The following ZNF469 variants were observed in gnomAD, a reference collection of about 807,000 sequenced individuals.
ZNF469 encodes zinc finger protein 469.
A neutral mutation model predicts 1.0 loss-of-function variants in ZNF469; 1 was observed. The ratio of observed to expected loss-of-function variants is 1.00; its 90% CI spans 0.35 to 4.73. The LOEUF is 4.73. Among genes scored for constraint, ZNF469 ranks in the 30% most tolerant of loss-of-function variants. The pLI is 0.16. For synonymous variants in ZNF469, 2,703 were observed against 2,363.4 expected (o/e 1.14, Z -4.17); for missense variants, 6,100 against 5,356.3 (o/e 1.14, Z -4.33).
At chr16:88,339,163 C>T in the ZNF469 span, among the ~76,000 whole-genome samples, 12 of 95,972 alleles carry the variant, frequency 1.3e-4, no homozygotes, top group East Asian at 2.9e-4. Flanking sequence ...GACAGGGTGG[C>T]GGGGGACATG....
the ZNF469 span, among the ~76,000 whole-genome samples, chr16:88,299,802 A>T: frequency 6.6e-6 from 1 of 152,176 alleles, no homozygotes; most frequent in African/African-American, 2.4e-5. Flanking sequence ...CAGGCCCAGG[A>T]GTTGCCTGAC....
At chr16:88,239,427 G>C in the ZNF469 span, among the ~76,000 whole-genome samples, 2 of 150,992 alleles carry the variant, frequency 1.3e-5, no homozygotes, top group African/African-American at 4.9e-5. Flanking sequence ...CTTTGCTTCA[G>C]GTGAGACTTG....
chr16:88,145,166 A>AT, the ZNF469 span, among the ~76,000 whole-genome samples: 2 of 152,106 alleles, frequency 1.3e-5, no homozygotes. Context: ...GATTACAAAA[A>AT]AAAAAATCTT....
chr16:88,362,879 C>T, the ZNF469 span, among the ~76,000 whole-genome samples: 1 of 152,166 alleles, frequency 6.6e-6, no homozygotes, highest in Non-Finnish European at 1.5e-5. Context: ...TCCTGTAGGT[C>T]TCTGAGGCTC....
At chr16:88,180,398 G>A in the ZNF469 span, among the ~76,000 whole-genome samples, 8 of 152,186 alleles carry the variant, frequency 5.3e-5, no homozygotes, top group South Asian at 2.1e-4. Flanking sequence ...AAGCTGGGGC[G>A]GAGATGTTAG....
Position 88,432,658 on chromosome 16 carries a change from G to A in ZNF469, c.5188G>A (p.Gly1730Ser). The change falls in exon 3 of 3, where the codon GGC (glycine) becomes AGC (serine). Residue 1730 changes from glycine to serine, a missense_variant. Physicochemically the swap from Gly to Ser is moderately conservative, Grantham distance 56. Coordinates refer to ENST00000565624, the MANE Select transcript of ZNF469 (RefSeq NM_001367624.2). ...VCLPEPSKQP[G>S]PQLDAGSLAK... Reference sequence around the variant, plus strand: ...CCTGCCTGAGCCCAGCAAGCAGCCTGGCCCACAGCTGGATGCCGGGAGTTT... The same window carrying A: ...CCTGCCTGAGCCCAGCAAGCAGCCTAGCCCACAGCTGGATGCCGGGAGTTT... 2 of 1,550,436 alleles carry A rather than the reference G, an allele frequency of 1.3e-6. No homozygotes were observed. The highest frequency in any genetic ancestry group is 1.7e-6 in the Non-Finnish European group (2 of 1,146,994).
At chr16:88,245,650 T>G in the ZNF469 span, among the ~76,000 whole-genome samples, 2 of 152,214 alleles carry the variant, frequency 1.3e-5, no homozygotes, top group Admixed American at 1.3e-4. Context: ...GGAATTCTCA[T>G]CCCCAAGTGT....
chr16:88,336,548 C>T, the ZNF469 span, among the ~76,000 whole-genome samples: 1 of 151,832 alleles, frequency 6.6e-6, no homozygotes, highest in Non-Finnish European at 1.5e-5. Context: ...CACTGATGTG[C>T]CAATACCACA....
the ZNF469 span, among the ~76,000 whole-genome samples, chr16:88,221,594 G>A: frequency 2.0e-5 from 3 of 152,266 alleles, no homozygotes; most frequent in Admixed American, 2.0e-4. Context: ...CGTCCAGTCT[G>A]CTATGTCTCT....
chr16:88,386,775 C>T (rs1432106885), intron 1 of ZNF469, among the ~76,000 whole-genome samples: 1 of 152,212 alleles, frequency 6.6e-6, no homozygotes, highest in East Asian at 1.9e-4. Flanking sequence ...TGGAGCTGAC[C>T]TGCTACATGC....
At chr16:88,262,231 A>G in the ZNF469 span, among the ~76,000 whole-genome samples, 45 of 152,272 alleles carry the variant, frequency 3.0e-4, no homozygotes, top group East Asian at 6.0e-3. The surrounding 1 kb of genome is among the most constrained non-coding windows in gnomAD (Gnocchi z 4.3). Context: ...GCAGAAGTGG[A>G]AATCTGTGCT....
chr16:88,256,405 A>G, the ZNF469 span, among the ~76,000 whole-genome samples: 1 of 152,246 alleles, frequency 6.6e-6, no homozygotes, highest in African/African-American at 2.4e-5. Flanking sequence ...TTAGTGCTGA[A>G]TAATGCTCCA....
At chr16:88,165,752 C>T in the ZNF469 span, among the ~76,000 whole-genome samples, 6 of 152,212 alleles carry the variant, frequency 3.9e-5, no homozygotes, top group Admixed American at 2.0e-4. Flanking sequence ...CACACTGAAA[C>T]TGTGTCCCCA....
At chr16:88,140,914 CAGA>C in the ZNF469 span, among the ~76,000 whole-genome samples, 1 of 152,246 alleles carries the variant, frequency 6.6e-6, no homozygotes, top group East Asian at 1.9e-4. Context: ...GCCTGGGTGA[CAGA>C]AGGAGACTCT....
At chr16:88,323,474 C>T in the ZNF469 span, among the ~76,000 whole-genome samples, 27 of 152,258 alleles carry the variant, frequency 1.8e-4, no homozygotes, top group Non-Finnish European at 2.9e-5. Flanking sequence ...CATCACTCAG[C>T]AGCAAAGGCC....
chr16:88,269,876 C>A, the ZNF469 span, among the ~76,000 whole-genome samples: 1 of 152,164 alleles, frequency 6.6e-6, no homozygotes, highest in South Asian at 2.1e-4. Context: ...GGCGTAGATG[C>A]TCCAGGTGCA....
Position 88,424,295 on chromosome 16 carries a change from A to C in ZNF469, c.-191-512A>C, listed in dbSNP as rs897659322. 2.0e-5 allele frequency among the ~76,000 whole-genome samples: 3 copies of C among 152,214 alleles called. No homozygotes were observed. Among genetic ancestry groups the C allele is most frequent in the Admixed American group, 1.3e-4 (2 of 15,290 alleles). ...ATGAAAAAAAGGTCAGGTGCAGAAC[A>C]GTGAGCGTAGCCGACGATCTTCTGT... On this transcript the variant is annotated intron_variant, in intron 1 of 2. Coordinates refer to ENST00000565624, the MANE Select transcript of ZNF469 (RefSeq NM_001367624.2). The surrounding 1 kb of genome is among the most constrained non-coding windows in gnomAD (Gnocchi z 4.3).
At chr16:88,284,539 A>G in the ZNF469 span, among the ~76,000 whole-genome samples, 1 of 142,068 alleles carries the variant, frequency 7.0e-6, no homozygotes, top group Middle Eastern at 3.9e-3. Flanking sequence ...TGAGCCCAGG[A>G]GGTCAAGGCT....
chr16:88,140,129 C>G, the ZNF469 span, among the ~76,000 whole-genome samples: 1 of 152,072 alleles, frequency 6.6e-6, no homozygotes, highest in African/African-American at 2.4e-5. Context: ...AAGAGGGAGT[C>G]ATAATGAAAG....
Sources: gnomAD v4.1 joint callset for allele counts (sites outside exome capture counted in the v4.1 genomes callset) on GRCh38, gnomAD v4.1.1 for gene constraint, Gnocchi (gnomAD v3.1) non-coding constraint, MANE v1.5 for transcripts, NCBI Gene and HGNC (gene_info 2026-07-23, HGNC 2026-07-21) for gene names.